The following ESR1 variants were observed in gnomAD, a reference collection of about 807,000 sequenced individuals.
ESR1 encodes estrogen receptor 1, also known as estrogen receptor.
ESR1 carries 12 observed loss-of-function variants against 52.7 expected under a neutral mutation model. The ratio of observed to expected loss-of-function variants is 0.23; its 90% CI spans 0.15 to 0.37. The LOEUF (loss-of-function observed/expected upper bound fraction) is 0.37. ESR1 is among the 10% of genes least tolerant of loss of function. ESR1 has a pLI of 1.00. For missense variants in ESR1, 584 were observed against 779.7 expected (o/e 0.75, Z 2.99); for synonymous variants, 305 against 316.8 (o/e 0.96, Z 0.39).
intron 1 of ESR1, among the ~76,000 whole-genome samples, chr6:151,685,417 G>C (rs1181631502): frequency 6.6e-6 from 1 of 152,074 alleles, no homozygotes; most frequent in Non-Finnish European, 1.5e-5. Flanking sequence ...ACAGGCGTGA[G>C]CCACCGCGCC....
At chr6:151,742,863 A>T (rs1415194) in intron 2 of ESR1, among the ~76,000 whole-genome samples, 1 of 152,008 alleles carries the variant, frequency 6.6e-6, no homozygotes, top group Middle Eastern at 3.2e-3. Flanking sequence ...GATGTTATAT[A>T]TACAAAGAAA....
chr6:151,826,466 A>G (rs966148198), intron 1 of ESR1, among the ~76,000 whole-genome samples: 3 of 152,176 alleles, frequency 2.0e-5, no homozygotes, highest in African/African-American at 7.2e-5. Flanking sequence ...GAGGCCTGGG[A>G]TAGATGTTTC....
Position 151,817,499 on chromosome 6 carries a change from C to T in ESR1, c.452+9135C>T, listed in dbSNP as rs141964839. On this transcript the variant is annotated intron_variant, in intron 1 of 7. Transcript: ENST00000206249. ...ATTTCCAAGTCTTCATTTCCTTGGGCCTCTTGGATTTCAGAAGCAGAGGGT... is the reference window on the plus strand; with the variant it reads ...ATTTCCAAGTCTTCATTTCCTTGGGTCTCTTGGATTTCAGAAGCAGAGGGT... 1.1e-3 allele frequency among the ~76,000 whole-genome samples: 163 copies of T among 152,256 alleles called. 6 individuals are homozygous for T. In the East Asian group the frequency reaches 0.025, roughly 23 times the overall value.
chr6:152,032,352 T>A (rs1005355317), intron 5 of ESR1, among the ~76,000 whole-genome samples: 5 of 152,164 alleles, frequency 3.3e-5, no homozygotes, highest in African/African-American at 1.2e-4. Flanking sequence ...AGTCAAATTG[T>A]CCCTGTTTGC....
At chr6:151,657,636 A>T (rs1485385139) in intron 1 of ESR1, among the ~76,000 whole-genome samples, 1 of 152,152 alleles carries the variant, frequency 6.6e-6, no homozygotes, top group East Asian at 1.9e-4. Flanking sequence ...CCAGTCCCTT[A>T]GTTTAAATAT....
intron 1 of ESR1, among the ~76,000 whole-genome samples, chr6:151,680,272 C>G (rs1044497387): frequency 1.3e-5 from 2 of 148,582 alleles, no homozygotes; most frequent in East Asian, 2.0e-4. Context: ...GGTGCCATCT[C>G]GACTCATTGC....
intron 4 of ESR1, among the ~76,000 whole-genome samples, chr6:151,993,037 A>G (rs527294962): frequency 6.6e-6 from 1 of 152,224 alleles, no homozygotes; most frequent in East Asian, 1.9e-4. Flanking sequence ...TCCTTCCCCC[A>G]CTCACAGGTT....
intron 1 of ESR1, among the ~76,000 whole-genome samples, chr6:151,676,261 T>C (rs1778249048): frequency 6.6e-6 from 1 of 152,078 alleles, no homozygotes; most frequent in Non-Finnish European, 1.5e-5. Flanking sequence ...CCATACTTGG[T>C]TCTGTTTGGT....
At chr6:151,889,479 G>T (rs1794380967) in intron 3 of ESR1, among the ~76,000 whole-genome samples, 1 of 151,894 alleles carries the variant, frequency 6.6e-6, no homozygotes. Flanking sequence ...ATAATTTTTT[G>T]CATTTCTGTG....
intron 5 of ESR1, among the ~76,000 whole-genome samples, chr6:152,018,670 C>T (rs1241452152): frequency 2.6e-5 from 4 of 152,036 alleles, no homozygotes; most frequent in Non-Finnish European, 5.9e-5. Flanking sequence ...GGGCAGGAGA[C>T]GGCTTCAGGA....
Position 151,786,466 on chromosome 6 carries a change from C to T in ESR1, c.-70-21377C>T, listed in dbSNP as rs1583281366. Among the ~76,000 whole-genome samples, 5 of 152,272 alleles carry T rather than the reference C, an allele frequency of 3.3e-5. No homozygotes were observed. In the South Asian group the frequency reaches 1.0e-3, roughly 32 times the overall value. ...CCTTTTTAATTTCATCTTCCCTGGACTTAATCTAGAGAGTCATTGATGAAA... is the reference window on the plus strand; with the variant it reads ...CCTTTTTAATTTCATCTTCCCTGGATTTAATCTAGAGAGTCATTGATGAAA... On this transcript the variant is annotated intron_variant, in intron 2 of 2. Transcript: ENST00000404742.
intron 6 of ESR1, among the ~76,000 whole-genome samples, chr6:152,063,166 T>C (rs960801228): frequency 3.9e-5 from 6 of 152,200 alleles, no homozygotes; most frequent in Non-Finnish European, 8.8e-5. Context: ...ACTCCATCCT[T>C]GTTCCTTCGC....
intron 3 of ESR1, among the ~76,000 whole-genome samples, chr6:151,914,459 TTGAAGAAAA>T (rs1798734344): frequency 6.6e-6 from 1 of 152,100 alleles, no homozygotes; most frequent in Admixed American, 6.6e-5. Flanking sequence ...AGCAATGAAG[TTGAAGAAAA>T]ATAGCTTATA....
chr6:151,972,269 C>T lies in ESR1; in HGVS notation c.1096+27761C>T, dbSNP rs183444523. Among the ~76,000 whole-genome samples, 12 of 152,150 alleles carry T rather than the reference C, an allele frequency of 7.9e-5. No homozygotes were observed. The East Asian group carries it at 1.9e-3, about 24-fold the overall frequency. On this transcript the variant is annotated intron_variant, in intron 4 of 7. Transcript: ENST00000206249. Reference sequence around the variant, plus strand: ...ATCCTACTGAAACTATTCCACAAGACAGAGAAAGAGGGAATCCTCCCTAAA... The same window carrying T: ...ATCCTACTGAAACTATTCCACAAGATAGAGAAAGAGGGAATCCTCCCTAAA...
intron 5 of ESR1, among the ~76,000 whole-genome samples, chr6:152,035,776 T>C (rs1421929908): frequency 6.6e-6 from 1 of 152,082 alleles, no homozygotes; most frequent in African/African-American, 2.4e-5. Flanking sequence ...TATGAAAAAC[T>C]GACCTATATC....
At chr6:151,745,621 T>G (rs1401056630) in intron 2 of ESR1, among the ~76,000 whole-genome samples, 2 of 152,192 alleles carry the variant, frequency 1.3e-5, no homozygotes, top group African/African-American at 4.8e-5. Context: ...TGGTAAGTTT[T>G]GTATGTCACA....
intron 1 of ESR1, among the ~76,000 whole-genome samples, chr6:151,818,833 A>C (rs3853249): frequency 0.24 from 36,691 of 151,634 alleles, 5,504 homozygotes; most frequent in Middle Eastern, 0.39. Flanking sequence ...ACATATATAT[A>C]CCTGGTATAC....
exon 7 of ESR1, chr6:152,127,264 C>A (rs1236252266): frequency 4.6e-5 from 7 of 152,124 alleles, no homozygotes; most frequent in Non-Finnish European, 8.8e-5. Context: ...GACCTGGGTT[C>A]AAATCCTACA....
At chr6:151,697,737 G>T (rs1779464486) in intron 1 of ESR1, among the ~76,000 whole-genome samples, 1 of 152,162 alleles carries the variant, frequency 6.6e-6, no homozygotes, top group African/African-American at 2.4e-5. Context: ...TAGGGGAAAT[G>T]TGTGGTCCCT....
Sources: gnomAD v4.1 joint callset for allele counts (sites outside exome capture counted in the v4.1 genomes callset) on GRCh38, gnomAD v4.1.1 for gene constraint, MANE v1.5 for transcripts, NCBI Gene and HGNC (gene_info 2026-07-23, HGNC 2026-07-21) for gene names.